Variants in SBF2 observed in about 807,000 individuals in gnomAD.
SBF2 encodes the protein myotubularin-related protein 13.
In SBF2, 112 loss-of-function variants were observed where a neutral mutation model predicts 225.2. The ratio of observed to expected loss-of-function variants is 0.50; its 90% CI spans 0.43 to 0.58. The LOEUF (loss-of-function observed/expected upper bound fraction) is 0.58, where lower values mean the gene tolerates loss of function less well. SBF2 is among the 20% of genes least tolerant of loss of function. SBF2 has a pLI of 0.00. For synonymous variants in SBF2, 763 were observed against 773.3 expected (o/e 0.99, Z 0.22); for missense variants, 1,996 against 2,206.2 (o/e 0.90, Z 1.91).
In SBF2 at chr11:10,264,704, A is replaced by G. The variant is rs182916749; in HGVS notation, c.55+29311T>C. Among the ~76,000 whole-genome samples the G allele has an allele frequency of 1.3e-3, 194 of 152,254 alleles. 3 individuals are homozygous for G. In the East Asian group the frequency reaches 0.03, roughly 24 times the overall value. On this transcript the variant is annotated intron_variant, in intron 1 of 39. Transcript: ENST00000256190. ...CACCTATCAACTCGTCACCTACATTAGGTATTTCTCCTAATACTATCCCTC... is the reference window on the plus strand; with the variant it reads ...CACCTATCAACTCGTCACCTACATTGGGTATTTCTCCTAATACTATCCCTC...
intron 13 of SBF2, 71 bp from the exon 14 acceptor site, chr11:9,968,616 G>C: frequency 8.2e-7 from 1 of 1,216,684 alleles, no homozygotes. Flanking sequence ...GAAGGGAGTG[G>C]GAGCTTACAG....
intron 24 of SBF2, among the ~76,000 whole-genome samples, chr11:9,845,074 GA>G (rs1215052234): frequency 1.3e-5 from 2 of 152,040 alleles, no homozygotes; most frequent in African/African-American, 4.8e-5. Context: ...TAAACAAATG[GA>G]CCAAAGTAGA....
At chr11:9,999,884 T>C (rs539356232) in intron 8 of SBF2, among the ~76,000 whole-genome samples, 58 of 152,378 alleles carry the variant, frequency 3.8e-4, no homozygotes, top group African/African-American at 1.3e-3. Context: ...TGGTTACAAC[T>C]ATAATTACTT....
chr11:10,276,315 T>C (rs990499877), intron 1 of SBF2, among the ~76,000 whole-genome samples: 2 of 152,208 alleles, frequency 1.3e-5, no homozygotes, highest in Non-Finnish European at 2.9e-5. Context: ...TTCTCACCTG[T>C]GGCTGCCAAA....
intron 6 of SBF2, among the ~76,000 whole-genome samples, chr11:10,010,033 A>G (rs1045613941): frequency 1.3e-5 from 2 of 152,044 alleles, no homozygotes; most frequent in Admixed American, 1.3e-4. Flanking sequence ...TGTTTCTTGG[A>G]CACATAAATG....
intron 13 of SBF2, among the ~76,000 whole-genome samples, chr11:9,981,810 G>T (rs1946969882): frequency 6.6e-6 from 1 of 152,090 alleles, no homozygotes; most frequent in Non-Finnish European, 1.5e-5. Flanking sequence ...AAACAGTATC[G>T]AATGTTACAT....
rs572962153 is a variant in SBF2 at position 10,279,999 on chromosome 11, G to A, written c.55+14016C>T. Among the ~76,000 whole-genome samples the A allele has an allele frequency of 5.9e-5, 9 of 152,276 alleles. No homozygotes were observed. In the East Asian group the frequency reaches 1.3e-3, roughly 23 times the overall value. ...ATTATAGAACACAGTTTTCAGTATC[G>A]TTTATCTGAAATGTTTGGCATCAGA... On this transcript the variant is annotated intron_variant, in intron 1 of 39. Coordinates refer to ENST00000256190, the MANE Select transcript of SBF2 (RefSeq NM_030962.4).
chr11:9,858,280 G>A lies in SBF2; in HGVS notation c.2046C>T (p.Arg682=), dbSNP rs371962413. 6 of 1,614,062 alleles carry A rather than the reference G, an allele frequency of 3.7e-6. No individual in the cohort carries two copies. In the Admixed American group the frequency reaches 5.0e-5, roughly 13 times the overall value. The change falls in exon 18 of 40, where the codon CGC becomes CGT. Residue 682 remains arginine (R), a synonymous_variant. Coordinates refer to ENST00000256190, the MANE Select transcript of SBF2 (RefSeq NM_030962.4). The part of the protein sequence containing the change: ...TFYNAVQEQV[R]SLYLSAKEDN... ...CTTCCTTGGCTGAGAGATAAAGGGAGCGAACCTGTTCCTGCACTGCATTGT... is the reference window on the plus strand; with the variant it reads ...CTTCCTTGGCTGAGAGATAAAGGGAACGAACCTGTTCCTGCACTGCATTGT...
chr11:9,871,384 T>C (rs1328094914), intron 17 of SBF2, among the ~76,000 whole-genome samples: 3 of 150,972 alleles, frequency 2.0e-5, no homozygotes, highest in Admixed American at 2.0e-4. Context: ...AACAAACATA[T>C]GAAAAAAAGC....
At chr11:10,297,552 G>A (rs1408798857), upstream of SBF2, among the ~76,000 whole-genome samples, 2 of 152,176 alleles carry the variant, frequency 1.3e-5, no homozygotes, top group Non-Finnish European at 2.9e-5. Flanking sequence ...AGTTAATTTT[G>A]TAGTGGTAAG....
intron 13 of SBF2, among the ~76,000 whole-genome samples, chr11:9,980,919 T>G (rs1590670275): frequency 6.6e-6 from 1 of 152,244 alleles, no homozygotes; most frequent in East Asian, 1.9e-4. Context: ...AAGATGGATT[T>G]TTTTGTTTTA....
chr11:9,898,585 C>T (rs990155600), intron 16 of SBF2, among the ~76,000 whole-genome samples: 3 of 152,048 alleles, frequency 2.0e-5, no homozygotes, highest in Non-Finnish European at 4.4e-5. Flanking sequence ...GCAGGAGAAT[C>T]GCTTGAACCT....
chr11:10,304,084 C>G (rs1277111923), intron 1 of SBF2, among the ~76,000 whole-genome samples: 1 of 152,200 alleles, frequency 6.6e-6, no homozygotes, highest in African/African-American at 2.4e-5. Flanking sequence ...GCAGATACCT[C>G]CCCTCTCTGA....
At chr11:9,934,590 TC>T (rs1381368985) in intron 16 of SBF2, among the ~76,000 whole-genome samples, 17 of 151,996 alleles carry the variant, frequency 1.1e-4, no homozygotes, top group African/African-American at 3.6e-4. Context: ...CAGCAGCACA[TC>T]AAAAAGCTTA....
intron 3 of SBF2, 114 bp from the exon 4 acceptor site, chr11:10,031,284 T>C (rs1461750024): frequency 3.0e-6 from 3 of 1,013,272 alleles, no homozygotes; most frequent in Non-Finnish European, 4.2e-6. Flanking sequence ...TTAATTATAA[T>C]ATAATTTTAA....
chr11:10,153,150 GA>G (rs1258295416), intron 2 of SBF2, among the ~76,000 whole-genome samples: 1 of 152,116 alleles, frequency 6.6e-6, no homozygotes, highest in African/African-American at 2.4e-5. Context: ...TGGTGTTTAG[GA>G]ATAGTAACTC....
At chr11:10,274,338 G>C (rs1415631417) in intron 1 of SBF2, among the ~76,000 whole-genome samples, 1 of 152,206 alleles carries the variant, frequency 6.6e-6, no homozygotes, top group Non-Finnish European at 1.5e-5. Context: ...AAAATCTGAA[G>C]AGATATGTAC....
intron 1 of SBF2, among the ~76,000 whole-genome samples, chr11:10,280,837 G>C (rs1335437389): frequency 6.6e-6 from 1 of 152,064 alleles, no homozygotes; most frequent in Non-Finnish European, 1.5e-5. Flanking sequence ...ACTGGGGATT[G>C]GGGGTGGGGG....
rs532262534 is a variant in SBF2, at chr11:9,994,583, T to C, written c.976-585A>G. ...CCCTAAATCTATATATGTACATATATATATATATATGAAAATGAAAAGTTC... is the reference window on the plus strand; with the variant it reads ...CCCTAAATCTATATATGTACATATACATATATATATGAAAATGAAAAGTTC... On this transcript the variant is annotated intron_variant, in intron 9 of 39. Coordinates refer to ENST00000256190, the MANE Select transcript of SBF2 (RefSeq NM_030962.4). Among the ~76,000 whole-genome samples, 132 of 149,410 alleles carry C rather than the reference T, an allele frequency of 8.8e-4. 2 individuals carry two copies. The highest frequency in any genetic ancestry group is 1.4e-3 in the Non-Finnish European group (92 of 67,530).
Sources: allele counts gnomAD v4.1 joint callset (sites outside exome capture counted in the v4.1 genomes callset), GRCh38; gene constraint gnomAD v4.1.1; transcripts MANE v1.5; gene names NCBI Gene and HGNC (gene_info 2026-07-23, HGNC 2026-07-21).